The following TAFA5 variants were observed in gnomAD, a reference collection of about 807,000 sequenced individuals.
TAFA5 encodes chemokine-like protein TAFA-5.
In TAFA5, 6 loss-of-function variants were observed where a neutral mutation model predicts 15.3. That is an observed-to-expected ratio of 0.39 (90% CI 0.21 to 0.77). TAFA5 has a LOEUF of 0.77. Ranked by LOEUF, TAFA5 falls within the 30% of genes least tolerant of loss-of-function variation. The probability of loss-of-function intolerance (pLI) is 0.41; values close to 1 mark genes in which losing one functional copy is unlikely to be tolerated. For synonymous variants in TAFA5, 103 were observed against 80.7 expected (o/e 1.28, Z -1.48); for missense variants, 161 against 193.1 (o/e 0.83, Z 0.98).
chr22:48,748,074 G>A (rs1285950292), intron 3 of TAFA5, among the ~76,000 whole-genome samples: 1 of 152,182 alleles, frequency 6.6e-6, no homozygotes, highest in African/African-American at 2.4e-5. Context: ...TCTTATGTAA[G>A]CTGAACACGC....
chr22:48,525,385 C>T (rs541981701), intron 1 of TAFA5, among the ~76,000 whole-genome samples: 16 of 152,302 alleles, frequency 1.1e-4, no homozygotes, highest in East Asian at 3.9e-4. Flanking sequence ...ACCCTCACCC[C>T]GACAGGTGCC....
intron 1 of TAFA5, among the ~76,000 whole-genome samples, chr22:48,595,295 G>C (rs1235603383): frequency 1.3e-5 from 2 of 152,362 alleles, no homozygotes; most frequent in Middle Eastern, 3.4e-3. Flanking sequence ...AGGGAGACAT[G>C]GTTCCCCAAA....
chr22:48,531,695 C>T (rs1461996193), intron 1 of TAFA5, among the ~76,000 whole-genome samples: 1 of 152,178 alleles, frequency 6.6e-6, no homozygotes, highest in Admixed American at 6.5e-5. Flanking sequence ...CTGTCAGTCT[C>T]GCGCCAGAGA....
chr22:48,639,319 G>C (rs1224518351), intron 1 of TAFA5, among the ~76,000 whole-genome samples: 1 of 152,226 alleles, frequency 6.6e-6, no homozygotes, highest in Non-Finnish European at 1.5e-5. Flanking sequence ...CTTGTTTTTG[G>C]TCTGACCAAG....
chr22:48,749,181 T>C (rs1930410714), intron 3 of TAFA5, among the ~76,000 whole-genome samples: 1 of 152,104 alleles, frequency 6.6e-6, no homozygotes. Flanking sequence ...CAGAAACCCC[T>C]AGGGGGCCTG....
At chr22:48,602,846 G>A (rs1925024629) in intron 1 of TAFA5, among the ~76,000 whole-genome samples, 1 of 152,178 alleles carries the variant, frequency 6.6e-6, no homozygotes. Context: ...CCTGGGCCCT[G>A]AGAGGTTATT....
chr22:48,646,570 C>A, intron 1 of TAFA5, 27 bp from the exon 2 acceptor site: 1 of 1,609,760 alleles, frequency 6.2e-7, no homozygotes, highest in Non-Finnish European at 8.5e-7. Flanking sequence ...CGTGTGGCCG[C>A]TCAGTCGCTT....
rs544419346 is a variant in TAFA5 at position 48,721,541 on chromosome 22, C to G, written c.390+13697C>G. 3.9e-5 allele frequency among the ~76,000 whole-genome samples: 6 copies of G among 152,220 alleles called. No homozygotes were observed. In the East Asian group the frequency reaches 9.7e-4, roughly 24 times the overall value. ...TTCTCCTATTGGTTGGCAGAAGGTG[C>G]TGGCCAAGTGCTGGAAAACCTGTTT... On this transcript the variant is annotated intron_variant, in intron 3 of 3. Coordinates refer to ENST00000402357, the MANE Select transcript of TAFA5 (RefSeq NM_001082967.3).
intron 2 of TAFA5, among the ~76,000 whole-genome samples, chr22:48,694,778 C>A (rs1171699436): frequency 4.7e-4 from 59 of 124,260 alleles, no homozygotes; most frequent in African/African-American, 1.6e-3. Context: ...CAGACCTCCT[C>A]CCCCACCCCC....
chr22:48,544,387 T>A (rs1384394568), intron 1 of TAFA5: 2 of 340,906 alleles, frequency 5.9e-6, no homozygotes, highest in Non-Finnish European at 1.2e-5. Flanking sequence ...CAGTTCAGGC[T>A]CTGTCCCCAC....
At chr22:48,526,475 G>GA (rs1921785930) in intron 1 of TAFA5, among the ~76,000 whole-genome samples, 1 of 152,198 alleles carries the variant, frequency 6.6e-6, no homozygotes, top group Non-Finnish European at 1.5e-5. Flanking sequence ...CAGAGTCCCT[G>GA]GTCCACAAGG....
At chr22:48,638,114 A>G (rs1926517412) in intron 1 of TAFA5, among the ~76,000 whole-genome samples, 1 of 152,084 alleles carries the variant, frequency 6.6e-6, no homozygotes, top group Admixed American at 6.5e-5. Flanking sequence ...GGGAACACAC[A>G]GGTGTGTCCT....
In TAFA5 at chr22:48,574,953, C is replaced by T. The variant is rs576250277; in HGVS notation, c.113-71644C>T. ...ACGGAACGTGGGCATTAACAGTGCGCCCACGCTCTTGGGTGCAGGGCAGCT... is the reference window on the plus strand; with the variant it reads ...ACGGAACGTGGGCATTAACAGTGCGTCCACGCTCTTGGGTGCAGGGCAGCT... On this transcript the variant is annotated intron_variant, in intron 1 of 3. Transcript: ENST00000402357. 4.0e-4 allele frequency among the ~76,000 whole-genome samples: 61 copies of T among 152,344 alleles called. No homozygotes were observed. The South Asian group carries it at 8.1e-3, about 20-fold the overall frequency.
At position 48,676,843 on chromosome 22, in the gene TAFA5, G is replaced by A. The variant is rs189173540; in HGVS notation, c.262+30097G>A. Among the ~76,000 whole-genome samples, 45 of 152,358 alleles carry A rather than the reference G, an allele frequency of 3.0e-4. No individual in the cohort carries two copies. The East Asian group carries it at 8.3e-3, about 28-fold the overall frequency. On this transcript the variant is annotated intron_variant, in intron 2 of 3. Transcript: ENST00000402357. Reference sequence around the variant, plus strand: ...GATTTCTCTAAGTTTCTTCCTGGAAGTGGGATGCTCCTTGGACTAACCTCC... The same window carrying A: ...GATTTCTCTAAGTTTCTTCCTGGAAATGGGATGCTCCTTGGACTAACCTCC...
chr22:48,570,636 A>G (rs369739341), intron 1 of TAFA5, among the ~76,000 whole-genome samples: 14 of 152,222 alleles, frequency 9.2e-5, no homozygotes, highest in South Asian at 2.1e-4. Context: ...TGAACAGTGA[A>G]AAACACGGAG....
At chr22:48,635,438 C>T (rs1167381304) in intron 1 of TAFA5, among the ~76,000 whole-genome samples, 1 of 152,252 alleles carries the variant, frequency 6.6e-6, no homozygotes, top group Non-Finnish European at 1.5e-5. Context: ...TAGCAACCGT[C>T]TCCCAGTCCC....
chr22:48,493,643 T>C (rs1028811523), intron 1 of TAFA5, among the ~76,000 whole-genome samples: 2 of 152,252 alleles, frequency 1.3e-5, no homozygotes, highest in African/African-American at 4.8e-5. Context: ...ATTTGATGAA[T>C]TTGGGGCACA....
intron 3 of TAFA5, among the ~76,000 whole-genome samples, chr22:48,749,220 A>G (rs1012564398): frequency 6.6e-6 from 1 of 152,194 alleles, no homozygotes; most frequent in Non-Finnish European, 1.5e-5. Flanking sequence ...ATCCTCCAGC[A>G]GGAACAGGCC....
At chr22:48,732,343 G>A (rs939018596) in intron 3 of TAFA5, among the ~76,000 whole-genome samples, 2 of 152,188 alleles carry the variant, frequency 1.3e-5, no homozygotes, top group South Asian at 4.1e-4. Flanking sequence ...TGCAAGCTCC[G>A]CCTCCCGGGT....
Sources: allele counts gnomAD v4.1 joint callset (sites outside exome capture counted in the v4.1 genomes callset), GRCh38; gene constraint gnomAD v4.1.1; transcripts MANE v1.5; gene names NCBI Gene and HGNC (gene_info 2026-07-23, HGNC 2026-07-21).